Variants in EIPR1 observed in about 807,000 individuals in gnomAD.
EIPR1 encodes EARP and GARP complex-interacting protein 1.
EIPR1 carries 25 observed loss-of-function variants against 48.1 expected under a neutral mutation model. The observed-to-expected ratio is 0.52, with a 90% CI of 0.38 to 0.73. The LOEUF is 0.73. Among genes scored for constraint, EIPR1 ranks in the 30% least tolerant of loss-of-function variants. EIPR1 has a pLI of 0.00. For missense variants in EIPR1, 415 were observed against 506.2 expected (o/e 0.82, Z 1.73); for synonymous variants, 204 against 201.9 (o/e 1.01, Z -0.09).
intron 4 of EIPR1, among the ~76,000 whole-genome samples, chr2:3,253,088 C>T (rs1007775182): frequency 3.9e-5 from 6 of 152,166 alleles, no homozygotes; most frequent in Non-Finnish European, 5.9e-5. Flanking sequence ...CCTGTTCTCT[C>T]GGAAGCTGCC....
intron 3 of EIPR1, among the ~76,000 whole-genome samples, chr2:3,305,081 ACCCTCCACTCCCAACCAGTTCAG>A (rs1668891733): frequency 1.8e-5 from 1 of 54,310 alleles, no homozygotes; most frequent in African/African-American, 7.9e-5. Flanking sequence ...GTCCAGTTCA[ACCCTCCACTCCCAACCAGTTCAG>A]CCCTCCACTC....
chr2:3,322,197 G>A (rs995244551), intron 3 of EIPR1, among the ~76,000 whole-genome samples: 4 of 152,286 alleles, frequency 2.6e-5, no homozygotes, highest in South Asian at 2.1e-4. Context: ...TGACGGTCAC[G>A]GTGAGGTGAT....
intron 4 of EIPR1, among the ~76,000 whole-genome samples, chr2:3,220,433 C>T (rs570366349): frequency 2.5e-4 from 38 of 151,922 alleles, no homozygotes; most frequent in Non-Finnish European, 4.6e-4. Context: ...GAGTCAGGTA[C>T]ATACACTCAC....
intron 4 of EIPR1, among the ~76,000 whole-genome samples, chr2:3,225,222 ATGTGTGTGTG>A (rs61557621): frequency 1.0e-3 from 138 of 137,016 alleles, no homozygotes; most frequent in South Asian, 6.3e-3. Flanking sequence ...ACACTGTGAT[ATGTGTGTGTG>A]TGTGTGTGTG....
At chr2:3,204,692 T>C (rs1413356442) in intron 5 of EIPR1, among the ~76,000 whole-genome samples, 1 of 152,214 alleles carries the variant, frequency 6.6e-6, no homozygotes, top group East Asian at 1.9e-4. Flanking sequence ...GCAGTTCATG[T>C]GGAGCATATC....
intron 4 of EIPR1, among the ~76,000 whole-genome samples, chr2:3,229,150 G>T (rs544025376): frequency 6.6e-6 from 1 of 152,330 alleles, no homozygotes; most frequent in African/African-American, 2.4e-5. Context: ...GTGAGCATGA[G>T]CCACTGGTAT....
At position 3,299,012 on chromosome 2, in the gene EIPR1, G is replaced by A. The variant is rs150732572; in HGVS notation, c.259+39005C>T. ...GAAAGAGAAGGTCCAGTCCTCTCCC[G>A]CTTAACAGCCCCACAGATACAGGAA... is the stretch of plus-strand genomic sequence containing the variant. On this transcript the variant is annotated intron_variant, in intron 3 of 8. Transcript: ENST00000382125. Among the ~76,000 whole-genome samples the A allele has an allele frequency of 3.4e-3, 522 of 152,182 alleles. 5 individuals carry two copies. The highest frequency in any genetic ancestry group is 0.012 in the African/African-American group (498 of 41,488).
intron 2 of EIPR1, among the ~76,000 whole-genome samples, chr2:3,341,362 G>T (rs990674595): frequency 9.8e-5 from 15 of 152,304 alleles, no homozygotes; most frequent in East Asian, 3.9e-4. Context: ...GTCTGCTGGG[G>T]TGTCCTTCAT....
At chr2:3,237,379 A>G (rs1666442286) in intron 4 of EIPR1, among the ~76,000 whole-genome samples, 1 of 152,220 alleles carries the variant, frequency 6.6e-6, no homozygotes, top group African/African-American at 2.4e-5. Context: ...ATTGGGAGAC[A>G]AGGAGAGAGA....
At chr2:3,373,885 G>T (rs1428985072) in intron 1 of EIPR1, among the ~76,000 whole-genome samples, 1 of 151,732 alleles carries the variant, frequency 6.6e-6, no homozygotes, top group African/African-American at 2.4e-5. Flanking sequence ...CTACTTTAAA[G>T]TTCATATGGA....
chr2:3,336,492 G>A (rs573435116), intron 3 of EIPR1, among the ~76,000 whole-genome samples: 2 of 152,320 alleles, frequency 1.3e-5, no homozygotes, highest in South Asian at 4.1e-4. Context: ...GAAGGGCCGG[G>A]CGCAGTGGCT....
chr2:3,232,379 A>T (rs530859531), intron 4 of EIPR1, among the ~76,000 whole-genome samples: 1 of 152,000 alleles, frequency 6.6e-6, no homozygotes, highest in African/African-American at 2.4e-5. Context: ...CTAGTCCCTG[A>T]TGTATAAAGT....
chr2:3,366,254 G>A (rs1048610109), intron 1 of EIPR1, among the ~76,000 whole-genome samples: 6 of 152,336 alleles, frequency 3.9e-5, no homozygotes, highest in African/African-American at 1.4e-4. Flanking sequence ...GTTGCAGTGA[G>A]CTGAGATTGT....
chr2:3,264,134 A>C (rs1278319500), intron 3 of EIPR1, among the ~76,000 whole-genome samples: 1 of 152,138 alleles, frequency 6.6e-6, no homozygotes, highest in Non-Finnish European at 1.5e-5. Context: ...TTTCACCAAC[A>C]TCTCCCTTTT....
At chr2:3,224,878 T>C (rs1055054409) in intron 4 of EIPR1, among the ~76,000 whole-genome samples, 18 of 152,082 alleles carry the variant, frequency 1.2e-4, no homozygotes, top group Admixed American at 1.0e-3. Context: ...TAAGAGTTCA[T>C]GAGATATCTG....
chr2:3,366,699 G>A (rs564424329), intron 1 of EIPR1, among the ~76,000 whole-genome samples: 1 of 152,112 alleles, frequency 6.6e-6, no homozygotes, highest in African/African-American at 2.4e-5. Context: ...CAACATAGAG[G>A]GTAATTAAGA....
At chr2:3,341,684 C>T (rs1018448345) in intron 2 of EIPR1, among the ~76,000 whole-genome samples, 19 of 146,012 alleles carry the variant, frequency 1.3e-4, no homozygotes, top group African/African-American at 3.8e-4. Context: ...CAGGTGCAGG[C>T]GTGTGGGAGG....
intron 3 of EIPR1, among the ~76,000 whole-genome samples, chr2:3,273,147 T>C (rs1340973884): frequency 6.6e-6 from 1 of 152,224 alleles, no homozygotes; most frequent in African/African-American, 2.4e-5. Context: ...CATGTATCAA[T>C]AGATTCTAGG....
chr2:3,237,221 TACACACACACACACACACACACAC>T (rs35498711), intron 4 of EIPR1, among the ~76,000 whole-genome samples: 1 of 127,750 alleles, frequency 7.8e-6, no homozygotes, highest in Non-Finnish European at 1.6e-5. Flanking sequence ...TTTTGAAAAC[TACACACACACACACACACACACAC>T]ACACACACAC....
Sources: gnomAD v4.1 joint callset for allele counts (sites outside exome capture counted in the v4.1 genomes callset) on GRCh38, gnomAD v4.1.1 for gene constraint, MANE v1.5 for transcripts, NCBI Gene and HGNC (gene_info 2026-07-23, HGNC 2026-07-21) for gene names.